The following NUTM2F variants were observed in gnomAD, a reference collection of about 807,000 sequenced individuals.
The protein encoded by NUTM2F is family with sequence similarity 22, member F.
NUTM2F carries 22 observed loss-of-function variants against 43.3 expected under a neutral mutation model. That is an observed-to-expected ratio of 0.51 (90% CI 0.36 to 0.73). The LOEUF (loss-of-function observed/expected upper bound fraction) is 0.73, where lower values mean the gene tolerates loss of function less well. Among genes scored for constraint, NUTM2F ranks in the 30% least tolerant of loss-of-function variants. The pLI, the probability that NUTM2F is intolerant of heterozygous loss-of-function variation, is 0.00. For missense variants in NUTM2F, 488 were observed against 927.4 expected, an observed-to-expected ratio of 0.53 and a Z score of 6.15; for synonymous variants, 202 against 389.0, an observed-to-expected ratio of 0.52 and a Z score of 5.66.
Position 94,322,338 on chromosome 9 carries a change from C to T in NUTM2F, c.714-9G>A, listed in dbSNP as rs775482649. 2 of 1,611,838 alleles carry T rather than the reference C, an allele frequency of 1.2e-6. No homozygotes were observed. Among genetic ancestry groups the T allele is most frequent in the Admixed American group, 3.3e-5 (2 of 59,998 alleles). On this transcript the variant is annotated splice_polypyrimidine_tract_variant and intron_variant, in intron 2 of 6. Coordinates refer to ENST00000253262, the MANE Select transcript of NUTM2F (RefSeq NM_017561.2). ...GGGATCGGAGAACTGGGCTGTAAAC[C>T]AGTGCAGTCAGTCCCAGTCTGTAAG... is the stretch of plus-strand genomic sequence containing the variant.
intron 2 of NUTM2F, among the ~76,000 whole-genome samples, chr9:94,323,425 G>A (rs1234054057): frequency 6.6e-6 from 1 of 152,204 alleles, no homozygotes; most frequent in Admixed American, 6.5e-5. Context: ...GCCGCGGGGT[G>A]GAGAGAGGCA....
chr9:94,320,991 C>T lies in NUTM2F; in HGVS notation c.982+102G>A. The T allele has an allele frequency of 6.8e-7, 1 of 1,474,052 alleles. No homozygotes were observed. Among genetic ancestry groups the T allele is most frequent in the Non-Finnish European group, 8.9e-7 (1 of 1,117,876 alleles). The allele number at this position is 1,474,052 out of a possible 1,614,324, so 91.3% of individuals were successfully genotyped here. On this transcript the variant is annotated intron_variant, in intron 4 of 6. Transcript: ENST00000253262. The surrounding 1 kb of genome is among the most constrained non-coding windows in gnomAD (Gnocchi z 4.5). Reference sequence around the variant, plus strand: ...CCGGAAGCTGTCCTGTTGGAGGGAGCAAATCCCCCTCTTGAAGGGAAGCAT... The same window carrying T: ...CCGGAAGCTGTCCTGTTGGAGGGAGTAAATCCCCCTCTTGAAGGGAAGCAT...
At position 94,325,626 on chromosome 9, in the gene NUTM2F, A is replaced by C; in HGVS notation, c.325T>G (p.Trp109Gly). 1 of 1,605,500 alleles carries C rather than the reference A, an allele frequency of 6.2e-7. No homozygotes were observed. The highest frequency in any genetic ancestry group is 8.5e-7 in the Non-Finnish European group (1 of 1,177,930). The change falls in exon 2 of 7, where the codon TGG becomes GGG. Residue 109 changes from tryptophan to glycine, a missense_variant. Physicochemically the swap from Trp to Gly is radical, Grantham distance 184. Coordinates refer to ENST00000253262, the MANE Select transcript of NUTM2F (RefSeq NM_017561.2). ...CCACAGAGGGTGCCTGGAGCCTGCC[A>C]GACGAGGGGGGCCTGAGTTAGGATC... ...TLILTQAPLVWQAPGTLCGGV... is the reference protein window; with the variant it reads ...TLILTQAPLVGQAPGTLCGGV...
chr9:94,328,005 C>G (rs1310470534), intron 1 of NUTM2F, among the ~76,000 whole-genome samples: 2 of 151,056 alleles, frequency 1.3e-5, no homozygotes, highest in East Asian at 4.0e-4. Flanking sequence ...CAACAGCTAC[C>G]TGAACTGACG....
In NUTM2F at chr9:94,320,152, C is replaced by T. The variant is rs1360931496; in HGVS notation, c.1368+56G>A. On this transcript the variant is annotated intron_variant, in intron 5 of 6. Transcript: ENST00000253262. This position sits in a 1 kb window ranked among gnomAD's most constrained non-coding sequence, Gnocchi z 4.5. ...AAGGAACAGAGCTTAATTCCAAGGA[C>T]CTGGAAGTGCCACCCCCTGGAATCC... 1 of 1,516,140 alleles carries T rather than the reference C, an allele frequency of 6.6e-7. No homozygotes were observed. The highest frequency in any genetic ancestry group is 1.4e-5 in the African/African-American group (1 of 72,898). 93.9% of individuals were successfully genotyped at this position (1,516,140 alleles called of 1,614,324 possible). A position where few individuals can be genotyped will look rare whatever the true frequency, so the allele number is the denominator to read the frequency against.
Position 94,320,978 on chromosome 9 carries a change from CT to C in NUTM2F, c.982+114del, listed in dbSNP as rs1408131769. On this transcript the variant is annotated intron_variant, in intron 4 of 6. Transcript: ENST00000253262. This position sits in a 1 kb window ranked among gnomAD's most constrained non-coding sequence, Gnocchi z 4.5. ...CCAACATACACTCCCGGAAGCTGTC[CT>C]GTTGGAGGGAGCAAATCCCCCTCTT... is the stretch of plus-strand genomic sequence containing the variant. The C allele has an allele frequency of 6.8e-7, 1 of 1,461,190 alleles. No homozygotes were observed. Among genetic ancestry groups the C allele is most frequent in the African/African-American group, 1.4e-5 (1 of 70,528 alleles). 90.5% of individuals were successfully genotyped at this position (1,461,190 alleles called of 1,614,324 possible). A position where few individuals can be genotyped will look rare whatever the true frequency, so the allele number is the denominator to read the frequency against.
chr9:94,321,874 G>A (rs1831371727), intron 3 of NUTM2F, among the ~76,000 whole-genome samples: 6 of 151,356 alleles, frequency 4.0e-5, no homozygotes, highest in Admixed American at 4.0e-4. Context: ...TCTGTCTTTA[G>A]TCACTAGCAC....
rs1030816134 is a variant in NUTM2F at position 94,320,791 on chromosome 9, G to A, written c.983-198C>T. Among the ~76,000 whole-genome samples, 25 of 152,170 alleles carry A rather than the reference G, an allele frequency of 1.6e-4. No individual in the cohort carries two copies. Among genetic ancestry groups the A allele is most frequent in the African/African-American group, 2.7e-4 (11 of 41,442 alleles). ...GCTTGGGAGGAAGTTTGGAGCCACC[G>A]ATATGCCGTGTACTCTCCCCGCTCA... On this transcript the variant is annotated intron_variant, in intron 4 of 6. Transcript: ENST00000253262. This position sits in a 1 kb window ranked among gnomAD's most constrained non-coding sequence, Gnocchi z 4.5.
Position 94,328,526 on chromosome 9 carries a change from TC to T in NUTM2F, c.16+81del. 1.9e-6 allele frequency: 3 copies of T among 1,606,774 alleles called. No individual in the cohort carries two copies. In the South Asian group the frequency reaches 3.3e-5, roughly 18 times the overall value. ...CCCTCAACATCAGCCCTATAAGCTG[TC>T]CCCAGGGACAGTTCAAATTTGAATT... On this transcript the variant is annotated intron_variant, in intron 1 of 6. Coordinates refer to ENST00000253262, the MANE Select transcript of NUTM2F (RefSeq NM_017561.2).
At chr9:94,328,479 C>T (rs2261293) in intron 1 of NUTM2F, 129 bp downstream of exon 1, 5 of 1,503,798 alleles carry the variant, frequency 3.3e-6, no homozygotes, top group East Asian at 2.3e-5. Flanking sequence ...TGTGATGTCC[C>T]TGGGGACATC....
chr9:94,321,871 T>C (rs1328143757), intron 3 of NUTM2F, among the ~76,000 whole-genome samples: 1 of 151,188 alleles, frequency 6.6e-6, no homozygotes, highest in Admixed American at 6.6e-5. Flanking sequence ...CACTCTGTCT[T>C]TAGTCACTAG....
At chr9:94,324,944 G>A (rs1211431613) in intron 2 of NUTM2F, among the ~76,000 whole-genome samples, 5 of 142,256 alleles carry the variant, frequency 3.5e-5, no homozygotes, top group African/African-American at 1.3e-4. Flanking sequence ...CTGAGATCGC[G>A]CCATTGCACT....
chr9:94,327,211 C>T (rs1831462252), intron 1 of NUTM2F, among the ~76,000 whole-genome samples: 1 of 150,414 alleles, frequency 6.6e-6, no homozygotes, highest in Non-Finnish European at 1.5e-5. Flanking sequence ...TCAAGCACTT[C>T]TCCTGCCTCA....
chr9:94,327,106 CTTTT>C (rs374345559), intron 1 of NUTM2F, among the ~76,000 whole-genome samples: 1 of 108,786 alleles, frequency 9.2e-6, no homozygotes, highest in Non-Finnish European at 2.0e-5. Flanking sequence ...TCTTTTTTTT[CTTTT>C]TTTTTTTTTT....
At position 94,320,902 on chromosome 9, in the gene NUTM2F, T is replaced by C. The variant is rs1365260239; in HGVS notation, c.982+191A>G. ...AGGAAACTTGGCCCGGTCAATACCC[T>C]GCTTCGTGATCACGGGCCACCCATG... On this transcript the variant is annotated intron_variant, in intron 4 of 6. Coordinates refer to ENST00000253262, the MANE Select transcript of NUTM2F (RefSeq NM_017561.2). The surrounding 1 kb of genome is among the most constrained non-coding windows in gnomAD (Gnocchi z 4.5). Among the ~76,000 whole-genome samples, 1 of 152,170 alleles carries C rather than the reference T, an allele frequency of 6.6e-6. No homozygotes were observed. Among genetic ancestry groups the C allele is most frequent in the Non-Finnish European group, 1.5e-5 (1 of 68,026 alleles).
chr9:94,319,893 G>A (rs28735918), intron 5 of NUTM2F, among the ~76,000 whole-genome samples, 164 bp from the exon 6 acceptor site: 28 of 151,996 alleles, frequency 1.8e-4, no homozygotes, highest in African/African-American at 5.8e-4. Flanking sequence ...CACAGACCTC[G>A]TAGCATACAC....
chr9:94,328,518 A>G, intron 1 of NUTM2F, 90 bp downstream of exon 1: 1 of 1,579,560 alleles, frequency 6.3e-7, no homozygotes, highest in Non-Finnish European at 8.7e-7. Context: ...CATCAGCCCT[A>G]TAAGCTGTCC....
At chr9:94,327,398 G>A (rs375282315) in intron 1 of NUTM2F, among the ~76,000 whole-genome samples, 5,838 of 147,570 alleles carry the variant, frequency 0.04, 154 homozygotes, top group African/African-American at 0.064. Flanking sequence ...CACCGCGCCC[G>A]GCCAGGGATT....
rs1056425439 is a variant in NUTM2F, at chr9:94,322,425, T to C, written c.714-96A>G. 2.0e-6 allele frequency: 3 copies of C among 1,523,360 alleles called. No homozygotes were observed. In the African/African-American group the frequency reaches 4.1e-5, roughly 21 times the overall value. 94.4% of individuals were successfully genotyped at this position (1,523,360 alleles called of 1,614,324 possible). ...CTGGCTCCTGTCCTCCCCACACCTG[T>C]CCTGCCATCTGTCCCTGTCCTGTTC... On this transcript the variant is annotated intron_variant, in intron 2 of 6. Transcript: ENST00000253262.
Sources: allele counts gnomAD v4.1 joint callset (sites outside exome capture counted in the v4.1 genomes callset), GRCh38; gene constraint gnomAD v4.1.1; non-coding constraint Gnocchi (gnomAD v3.1); transcripts MANE v1.5; gene names NCBI Gene and HGNC (gene_info 2026-07-23, HGNC 2026-07-21).